MSI2: variants seen among roughly 807,000 people sequenced by gnomAD.
MSI2 encodes the protein musashi RNA binding protein 2.
MSI2 carries 17 observed loss-of-function variants against 45.6 expected under a neutral mutation model. The ratio of observed to expected loss-of-function variants is 0.37; its 90% CI spans 0.26 to 0.56. The LOEUF (loss-of-function observed/expected upper bound fraction) is 0.56. MSI2 is among the 20% of genes least tolerant of loss of function. MSI2 has a pLI of 0.77. For missense variants in MSI2, 293 were observed against 444.2 expected, an observed-to-expected ratio of 0.66 and a Z score of 3.06; for synonymous variants, 156 against 158.2, an observed-to-expected ratio of 0.99 and a Z score of 0.11.
chr17:57,346,887 G>A (rs1269451467), intron 5 of MSI2, among the ~76,000 whole-genome samples: 1 of 152,178 alleles, frequency 6.6e-6, no homozygotes, highest in Non-Finnish European at 1.5e-5. Context: ...GATTACAAGT[G>A]TGAGCCACTG....
chr17:57,468,705 G>A (rs922651257), intron 6 of MSI2, among the ~76,000 whole-genome samples: 2 of 152,110 alleles, frequency 1.3e-5, no homozygotes, highest in African/African-American at 4.8e-5. Flanking sequence ...GTCTTGAGCT[G>A]TCATCAGTGC....
chr17:57,617,409 A>G (rs2144566411), intron 9 of MSI2, among the ~76,000 whole-genome samples: 1 of 152,350 alleles, frequency 6.6e-6, no homozygotes, highest in Non-Finnish European at 1.5e-5. Context: ...ACACAAAGCT[A>G]CAGTAACTAA....
chr17:57,391,032 C>T (rs758385256), intron 5 of MSI2, among the ~76,000 whole-genome samples: 6 of 152,202 alleles, frequency 3.9e-5, no homozygotes, highest in Non-Finnish European at 7.3e-5. Flanking sequence ...ACCATTTTCC[C>T]TGGTAGTTGC....
chr17:57,257,672 C>T (rs1270589104), intron 3 of MSI2, 125 bp downstream of exon 3: 2 of 662,946 alleles, frequency 3.0e-6, no homozygotes, highest in African/African-American at 1.8e-5. Context: ...TGATCTCGAA[C>T]GGCGCTCTAT....
intron 6 of MSI2, among the ~76,000 whole-genome samples, chr17:57,491,299 G>A (rs2085867311): frequency 6.6e-6 from 1 of 152,362 alleles, no homozygotes; most frequent in South Asian, 2.1e-4. Flanking sequence ...AGGTCATGGA[G>A]TGAATGAGCG....
chr17:57,692,111 T>C, the MSI2 span, among the ~76,000 whole-genome samples: 1 of 152,204 alleles, frequency 6.6e-6, no homozygotes, highest in African/African-American at 2.4e-5. Context: ...GAAATGGTCA[T>C]ATTGTTTTTA....
chr17:57,316,491 A>AT (rs1912862013), intron 5 of MSI2, among the ~76,000 whole-genome samples: 1 of 151,910 alleles, frequency 6.6e-6, no homozygotes, highest in African/African-American at 2.4e-5. Flanking sequence ...CACCAGGCTA[A>AT]TTTTTTAATA....
At position 57,392,452 on chromosome 17, in the gene MSI2, G is replaced by A. The variant is rs183521685; in HGVS notation, c.313-8927G>A. Among the ~76,000 whole-genome samples the A allele has an allele frequency of 3.9e-3, 595 of 152,234 alleles. 5 individuals carry two copies. The highest frequency in any genetic ancestry group is 0.014 in the African/African-American group (564 of 41,544). ...TTCTGTTGTTTTAATCAGAGGTAAC[G>A]TTGTGCCCTGACTATGTTGTATAAT... On this transcript the variant is annotated intron_variant, in intron 5 of 13. Coordinates refer to ENST00000284073, the MANE Select transcript of MSI2 (RefSeq NM_138962.4).
chr17:57,415,194 G>A (rs186071471), intron 6 of MSI2, among the ~76,000 whole-genome samples: 68 of 152,260 alleles, frequency 4.5e-4, no homozygotes, highest in Non-Finnish European at 7.1e-4. Flanking sequence ...CAGACTTGCC[G>A]TCTTGTGATC....
intron 7 of MSI2, among the ~76,000 whole-genome samples, chr17:57,563,741 G>GGT (rs1555624460): frequency 0.014 from 1,443 of 100,996 alleles, 18 homozygotes; most frequent in African/African-American, 0.061. Context: ...CACACACACA[G>GGT]GCGCGCACAC....
intron 5 of MSI2, among the ~76,000 whole-genome samples, chr17:57,336,568 A>G (rs902389958): frequency 1.3e-5 from 2 of 152,212 alleles, no homozygotes; most frequent in African/African-American, 4.8e-5. Flanking sequence ...CCTTTCCTTC[A>G]TTCTGAGACT....
intron 6 of MSI2, among the ~76,000 whole-genome samples, chr17:57,445,133 C>T (rs967735049): frequency 3.9e-5 from 6 of 152,186 alleles, no homozygotes; most frequent in Non-Finnish European, 7.3e-5. Flanking sequence ...TTAAACCTGC[C>T]TGGCTCCAGA....
chr17:57,362,620 A>T (rs1916889348), intron 5 of MSI2, among the ~76,000 whole-genome samples: 1 of 152,132 alleles, frequency 6.6e-6, no homozygotes, highest in Non-Finnish European at 1.5e-5. Flanking sequence ...TAAGGCTTTG[A>T]GTTGGAGGAG....
rs532402634 is a variant in MSI2 at position 57,682,065 on chromosome 17, G to C, written c.*2548G>C. Reference sequence around the variant, plus strand: ...GACTTTTTTTCTCCTCTTTCTTCTAGTACATATTGATAGGTATAACATAAT... The same window carrying C: ...GACTTTTTTTCTCCTCTTTCTTCTACTACATATTGATAGGTATAACATAAT... On this transcript the variant is annotated 3_prime_UTR_variant, in exon 14 of 14. Transcript: ENST00000284073. 2 of 203,598 alleles carry C rather than the reference G, an allele frequency of 9.8e-6. No homozygotes were observed. The highest frequency in any genetic ancestry group is 4.6e-5 in the African/African-American group (2 of 43,572). The allele number at this position is 203,598 out of a possible 1,614,324, so 12.6% of individuals were successfully genotyped here.
intron 5 of MSI2, among the ~76,000 whole-genome samples, chr17:57,399,094 G>A (rs577001879): frequency 3.9e-5 from 6 of 152,310 alleles, no homozygotes; most frequent in African/African-American, 7.2e-5. Context: ...AAGTGACCTC[G>A]ATTTACCAGG....
At chr17:57,272,277 GA>G (rs1567728439) in intron 5 of MSI2, among the ~76,000 whole-genome samples, 5 of 152,322 alleles carry the variant, frequency 3.3e-5, no homozygotes, top group African/African-American at 1.2e-4. Flanking sequence ...CCCACCTGCT[GA>G]AAAGTAAAGT....
chr17:57,594,375 G>A (rs1284177845), intron 7 of MSI2, among the ~76,000 whole-genome samples: 1 of 152,174 alleles, frequency 6.6e-6, no homozygotes, highest in Non-Finnish European at 1.5e-5. Context: ...GTGCTCCAGG[G>A]GTCCTTGACT....
intron 8 of MSI2, among the ~76,000 whole-genome samples, chr17:57,610,279 C>T (rs939004253): frequency 6.6e-6 from 1 of 152,074 alleles, no homozygotes; most frequent in Non-Finnish European, 1.5e-5. Flanking sequence ...GGTGAAACCC[C>T]TGTCTCTACT....
chr17:57,558,562 C>T (rs1197685517), intron 7 of MSI2, among the ~76,000 whole-genome samples: 1 of 152,160 alleles, frequency 6.6e-6, no homozygotes, highest in Non-Finnish European at 1.5e-5. Context: ...CACATCCCTC[C>T]TGGTGGCACA....
Sources: allele counts gnomAD v4.1 joint callset (sites outside exome capture counted in the v4.1 genomes callset), GRCh38; gene constraint gnomAD v4.1.1; transcripts MANE v1.5; gene names NCBI Gene and HGNC (gene_info 2026-07-23, HGNC 2026-07-21).